Variants in XCL2 observed in about 807,000 individuals in gnomAD.
XCL2 encodes the protein X-C motif chemokine ligand 2.
XCL2 carries 8 observed loss-of-function variants against 7.2 expected under a neutral mutation model. The observed-to-expected ratio is 1.10, with a 90% confidence interval of 0.65 to 1.99. XCL2 has a LOEUF of 1.99. Ranked by LOEUF, XCL2 falls within the 30% of genes most tolerant of loss-of-function variation. The pLI, the probability that XCL2 is intolerant of heterozygous loss-of-function variation, is 0.00. For synonymous variants in XCL2, 46 were observed against 54.2 expected (o/e 0.85, Z 0.67); for missense variants, 131 against 138.6 (o/e 0.94, Z 0.28).
At chr1:168,543,019 G>C (rs1654322824) in intron 1 of XCL2, 2 of 348,240 alleles carry the variant, frequency 5.7e-6, no homozygotes. Context: ...CAGCTACTCA[G>C]CCACTTAAGC....
chr1:168,542,046 T>G lies in XCL2; in HGVS notation c.123A>C (p.Pro41=), dbSNP rs4282797. The change falls in exon 2 of 3, where the codon CCA becomes CCC. Residue 41 remains proline (P), a synonymous_variant. Coordinates refer to ENST00000367819, the MANE Select transcript of XCL2 (RefSeq NM_003175.4). ...TCVSLTTQRL[P]VSRIKTYTIT... is the part of the protein sequence containing the mutation. ...TGGTGTAGGTCTTGATTCTGCTAACTGGCAGTCGCTGGGTAGTGAGGCTCA... is the reference window on the plus strand; with the variant it reads ...TGGTGTAGGTCTTGATTCTGCTAACGGGCAGTCGCTGGGTAGTGAGGCTCA... 1 of 1,519,512 alleles carries G rather than the reference T, an allele frequency of 6.6e-7. No homozygotes were observed. Among genetic ancestry groups the G allele is most frequent in the African/African-American group, 1.4e-5 (1 of 72,162 alleles). 94.1% of individuals were successfully genotyped at this position (1,519,512 alleles called of 1,614,324 possible). A position where few individuals can be genotyped will look rare whatever the true frequency, so the allele number is the denominator to read the frequency against.
chr1:168,541,033 G>C lies in XCL2; in HGVS notation c.264C>G (p.Ser88=). The change falls in exon 3 of 3, where the codon TCC becomes TCG. Residue 88 remains serine (S), a synonymous_variant. Transcript: ENST00000367819. ...RDVVRSMDRK[S]NTRNNMIQTK... ...TCTGGATCATGTTATTTCTGGTGTTGGATTTCCTGTCCATGCTCCTGACCA... is the reference window on the plus strand; with the variant it reads ...TCTGGATCATGTTATTTCTGGTGTTCGATTTCCTGTCCATGCTCCTGACCA... 1 of 1,613,648 alleles carries C rather than the reference G, an allele frequency of 6.2e-7. No individual in the cohort carries two copies. The highest frequency in any genetic ancestry group is 8.5e-7 in the Non-Finnish European group (1 of 1,179,712).
intron 1 of XCL2, 116 bp downstream of exon 1, chr1:168,543,788 T>C (rs1274796170): frequency 1.8e-5 from 26 of 1,463,458 alleles, no homozygotes; most frequent in Non-Finnish European, 2.4e-5. Flanking sequence ...ATGGGAAGTT[T>C]AAGGCTCCCC....
At chr1:168,541,147 A>C (rs909340627) in intron 2 of XCL2, 27 bp from the exon 3 acceptor site, 2 of 1,610,476 alleles carry the variant, frequency 1.2e-6, no homozygotes, top group African/African-American at 2.7e-5. Flanking sequence ...AGACAGATGA[A>C]GTTAGCCACG....
intron 2 of XCL2, 75 bp downstream of exon 2, chr1:168,541,918 G>A (rs571123469): frequency 1.1e-5 from 15 of 1,349,656 alleles, no homozygotes; most frequent in African/African-American, 8.7e-5. Flanking sequence ...TCCTGAGGAT[G>A]GCAGCATTTC....
chr1:168,541,916 A>G (rs2101815450), intron 2 of XCL2, 77 bp downstream of exon 2: 1 of 1,323,272 alleles, frequency 7.6e-7, no homozygotes, highest in Admixed American at 2.3e-5. Flanking sequence ...TTTCCTGAGG[A>G]TGGCAGCATT....
intron 1 of XCL2, among the ~76,000 whole-genome samples, chr1:168,542,531 C>G (rs891363401): frequency 6.6e-6 from 1 of 151,976 alleles, no homozygotes; most frequent in Non-Finnish European, 1.5e-5. Flanking sequence ...GGGAGCCAGG[C>G]AGCAGACAGG....
At chr1:168,542,131 G>T in intron 1 of XCL2, 24 bp from the exon 2 acceptor site, 2 of 1,466,852 alleles carry the variant, frequency 1.4e-6, no homozygotes, top group South Asian at 1.4e-5. Flanking sequence ...AAAAACAACA[G>T]ACAATTAAAA....
chr1:168,541,820 C>T (rs192656983), intron 2 of XCL2, among the ~76,000 whole-genome samples, 173 bp downstream of exon 2: 61 of 152,230 alleles, frequency 4.0e-4, no homozygotes, highest in African/African-American at 1.4e-3. Flanking sequence ...AATCGCTATT[C>T]GGTTGGGCTG....
intron 2 of XCL2, among the ~76,000 whole-genome samples, chr1:168,541,705 T>C (rs1654287625): frequency 6.6e-6 from 1 of 152,134 alleles, no homozygotes; most frequent in Admixed American, 6.6e-5. Context: ...GCCAGCCATC[T>C]CTAAACCCAG....
chr1:168,543,855 C>G lies in XCL2; in HGVS notation c.61+49G>C, dbSNP rs753516922. On this transcript the variant is annotated intron_variant, in intron 1 of 2. Coordinates refer to ENST00000367819, the MANE Select transcript of XCL2 (RefSeq NM_003175.4). ...GAGTCAAACCCAAAATGTGTGCCCA[C>G]CTGCCTTGCCTCCCTATTCTTTATC... 361 of 1,599,454 alleles carry G rather than the reference C, an allele frequency of 2.3e-4. 1 individual carries two copies. The highest frequency in any genetic ancestry group is 2.8e-4 in the Non-Finnish European group (330 of 1,169,034).
chr1:168,541,146 A>G (rs1342174956), intron 2 of XCL2, 26 bp from the exon 3 acceptor site: 1 of 1,610,714 alleles, frequency 6.2e-7, no homozygotes, highest in East Asian at 2.2e-5. Flanking sequence ...AAGACAGATG[A>G]AGTTAGCCAC....
At chr1:168,541,460 A>ATT (rs77465446) in intron 2 of XCL2, among the ~76,000 whole-genome samples, 1 of 151,816 alleles carries the variant, frequency 6.6e-6, no homozygotes, top group African/African-American at 2.4e-5. Context: ...TACTCATCTT[A>ATT]TTTTTTTTAA....
chr1:168,541,839 C>T (rs558955002), intron 2 of XCL2, among the ~76,000 whole-genome samples, 154 bp downstream of exon 2: 2 of 152,288 alleles, frequency 1.3e-5, no homozygotes, highest in African/African-American at 4.8e-5. Context: ...TGCAGAAAGA[C>T]ATGGTTGATA....
At chr1:168,542,231 G>C (rs1654303195) in intron 1 of XCL2, 124 bp from the exon 2 acceptor site, 7 of 740,872 alleles carry the variant, frequency 9.4e-6, no homozygotes, top group Non-Finnish European at 7.9e-6. Flanking sequence ...CTTTTTGGGG[G>C]AAGAGAGGAC....
rs140570578 is a variant in XCL2, at chr1:168,541,118, A to C, written c.179T>G (p.Phe60Cys). Reference sequence around the variant, plus strand: ...GACTTTTAGGCCACGTTTGGTAATAAAACTGTAACGCAAGGAAAAGACAGA... The same window carrying C: ...GACTTTTAGGCCACGTTTGGTAATACAACTGTAACGCAAGGAAAAGACAGA... ...ITEGSLRAVI[F>C]ITKRGLKVCA... The change falls in exon 3 of 3, where the codon TTT becomes TGT. Residue 60 changes from phenylalanine (F) to cysteine (C), a missense_variant and splice_region_variant. Coordinates refer to ENST00000367819, the MANE Select transcript of XCL2 (RefSeq NM_003175.4). 6.2e-7 allele frequency: 1 copy of C among 1,613,454 alleles called. No individual in the cohort carries two copies. Among genetic ancestry groups the C allele is most frequent in the African/African-American group, 1.3e-5 (1 of 75,018 alleles).
At chr1:168,541,503 C>T (rs893870352) in intron 2 of XCL2, among the ~76,000 whole-genome samples, 3 of 151,926 alleles carry the variant, frequency 2.0e-5, no homozygotes, top group Non-Finnish European at 2.9e-5. Flanking sequence ...TTCTTTAGAG[C>T]AAAGCTTGCA....
At chr1:168,542,541 G>C (rs1290874722) in intron 1 of XCL2, among the ~76,000 whole-genome samples, 1 of 151,946 alleles carries the variant, frequency 6.6e-6, no homozygotes, top group African/African-American at 2.4e-5. Context: ...CAGCAGACAG[G>C]CAAACAGAAA....
intron 1 of XCL2, among the ~76,000 whole-genome samples, chr1:168,542,383 T>G (rs1654306415): frequency 6.6e-6 from 1 of 152,002 alleles, no homozygotes; most frequent in Non-Finnish European, 1.5e-5. Flanking sequence ...GTGTATATTT[T>G]CACTTAGACA....
Sources: gnomAD v4.1 joint callset for allele counts (sites outside exome capture counted in the v4.1 genomes callset) on GRCh38, gnomAD v4.1.1 for gene constraint, MANE v1.5 for transcripts, NCBI Gene and HGNC (gene_info 2026-07-23, HGNC 2026-07-21) for gene names.